Variants in IPO9 observed in about 807,000 individuals in gnomAD.
IPO9 encodes importin-9.
IPO9 carries 28 observed loss-of-function variants against 128.6 expected under a neutral mutation model. The observed-to-expected ratio is 0.22, with a 90% CI of 0.16 to 0.30. The LOEUF (loss-of-function observed/expected upper bound fraction) is 0.30. IPO9 is among the 10% of genes least tolerant of loss of function. The probability of loss-of-function intolerance (pLI) is 1.00; values close to 1 mark genes in which losing one functional copy is unlikely to be tolerated. For missense variants in IPO9, 935 were observed against 1,293.9 expected (o/e 0.72, Z 4.26); for synonymous variants, 455 against 475.8 (o/e 0.96, Z 0.57).
In IPO9 at chr1:201,880,930, G is replaced by A. The variant is rs1197481564; in HGVS notation, c.*4876G>A. 6.6e-6 allele frequency: 1 copy of A among 152,226 alleles called. No individual in the cohort carries two copies. Among genetic ancestry groups the A allele is most frequent in the Non-Finnish European group, 1.5e-5 (1 of 68,042 alleles). 9.4% of individuals were successfully genotyped at this position (152,226 alleles called of 1,614,324 possible). A position where few individuals can be genotyped will look rare whatever the true frequency, so the allele number is the denominator to read the frequency against. On this transcript the variant is annotated 3_prime_UTR_variant, in exon 24 of 24. Transcript: ENST00000361565. ...TGAGTTTGCCCAACTGTAAGCTAAT[G>A]TAAGTGATCTGAGTAGGTTTAAGGT... is the stretch of plus-strand genomic sequence containing the variant.
chr1:201,855,723 C>T (rs1680317435), intron 9 of IPO9, 60 bp from the exon 10 acceptor site: 2 of 1,427,738 alleles, frequency 1.4e-6, no homozygotes, highest in Non-Finnish European at 1.9e-6. Flanking sequence ...TCATTTTCTG[C>T]ATATATGCTT....
rs961246279 is a variant in IPO9, at chr1:201,879,852, A to C, written c.*3798A>C. ...TCAGGAGTTCGAGACCAGCCTGGCC[A>C]ATGTGGTGAAACCCCGCCTCTACTA... On this transcript the variant is annotated 3_prime_UTR_variant, in exon 24 of 24. Coordinates refer to ENST00000361565, the MANE Select transcript of IPO9 (RefSeq NM_018085.5). The C allele has an allele frequency of 2.0e-5, 3 of 152,262 alleles. No homozygotes were observed. Among genetic ancestry groups the C allele is most frequent in the African/African-American group, 7.2e-5 (3 of 41,542 alleles). 9.4% of individuals were successfully genotyped at this position (152,262 alleles called of 1,614,324 possible).
Position 201,876,495 on chromosome 1 carries a change from T to TGA in IPO9, c.*446_*447dup, listed in dbSNP as rs2102892865. On this transcript the variant is annotated 3_prime_UTR_variant, in exon 24 of 24. Transcript: ENST00000361565. ...TGATGTGTTCAGATAGGAATCCTCA[T>TGA]GAGAGATCATTATGCTTTGTGCCCT... 3 of 297,010 alleles carry TGA rather than the reference T, an allele frequency of 1.0e-5. No homozygotes were observed. The highest frequency in any genetic ancestry group is 6.5e-5 in the African/African-American group (3 of 46,076). The allele number at this position is 297,010 out of a possible 1,614,324, so 18.4% of individuals were successfully genotyped here. A position where few individuals can be genotyped will look rare whatever the true frequency, so the allele number is the denominator to read the frequency against.
intron 11 of IPO9, among the ~76,000 whole-genome samples, chr1:201,857,727 G>A (rs531549756): frequency 6.6e-6 from 1 of 151,786 alleles, no homozygotes; most frequent in Non-Finnish European, 1.5e-5. Context: ...CCCGGGAGGC[G>A]GAGGTTGTGG....
In IPO9 at chr1:201,870,644, A is replaced by G. The variant is rs1005627494; in HGVS notation, c.2195A>G (p.His732Arg). The change falls in exon 18 of 24, where the codon CAT becomes CGT. Residue 732 changes from histidine (H) to arginine (R), a missense_variant. His to Arg is a conservative substitution (Grantham distance 29, BLOSUM62 0). Coordinates refer to ENST00000361565, the MANE Select transcript of IPO9 (RefSeq NM_018085.5). The surrounding 1 kb of genome is among the most constrained non-coding windows in gnomAD (Gnocchi z 4.9). The stretch of plus-strand genomic sequence containing the variant: ...ACCCTGGAACAAGTAGCCCAGTGGC[A>G]TGATGAGCAGGGCCACAATGGACTG... ...SVTLEQVAQWHDEQGHNGLWY... is the reference protein window; with the variant it reads ...SVTLEQVAQWRDEQGHNGLWY... 2 of 1,614,228 alleles carry G rather than the reference A, an allele frequency of 1.2e-6. No homozygotes were observed.
rs1439230162 is a variant in IPO9, at chr1:201,875,795, A to G, written c.3016-149A>G. 2.8e-5 allele frequency: 19 copies of G among 677,646 alleles called. No individual in the cohort carries two copies. The East Asian group carries it at 4.7e-4, about 17-fold the overall frequency. The allele number at this position is 677,646 out of a possible 1,614,324, so 42.0% of individuals were successfully genotyped here. On this transcript the variant is annotated intron_variant, in intron 23 of 23. Transcript: ENST00000361565. The stretch of plus-strand genomic sequence containing the variant: ...TGTTTCCCTGTGGATTACCTAAACT[A>G]GATCCAAGAACATGAAAGACCATCC...
At chr1:201,845,163 T>A (rs2102872996) in intron 1 of IPO9, among the ~76,000 whole-genome samples, 1 of 152,214 alleles carries the variant, frequency 6.6e-6, no homozygotes, top group African/African-American at 2.4e-5. Context: ...ATTACAGGCA[T>A]GTGCCACCAT....
At chr1:201,854,997 T>G (rs1320113470) in intron 8 of IPO9, 74 bp downstream of exon 8, 11 of 1,381,508 alleles carry the variant, frequency 8.0e-6, no homozygotes, top group Non-Finnish European at 1.1e-5. Flanking sequence ...TTCACATTCA[T>G]ATGGTTCCAC....
intron 14 of IPO9, among the ~76,000 whole-genome samples, 158 bp from the exon 15 acceptor site, chr1:201,866,575 G>A (rs979265122): frequency 1.3e-5 from 2 of 152,010 alleles, no homozygotes; most frequent in Non-Finnish European, 2.9e-5. Context: ...TGGTGTTGAT[G>A]TTTATATAAT....
chr1:201,850,664 T>C (rs575624480), intron 4 of IPO9: 13 of 152,326 alleles, frequency 8.5e-5, no homozygotes, highest in African/African-American at 3.1e-4. Context: ...ATACCAGGGA[T>C]GAGTATAGGA....
chr1:201,876,184 A>C lies in IPO9; in HGVS notation c.*130A>C, dbSNP rs575388259. The stretch of plus-strand genomic sequence containing the variant: ...TTGACCCTTGGCCCTTGGCCTCGGC[A>C]GTGACACTGATGACAATTCAGACCA... On this transcript the variant is annotated 3_prime_UTR_variant, in exon 24 of 24. Transcript: ENST00000361565. The C allele has an allele frequency of 1.7e-5, 13 of 768,750 alleles. No homozygotes were observed. The highest frequency in any genetic ancestry group is 1.1e-4 in the South Asian group (8 of 72,476). The allele number at this position is 768,750 out of a possible 1,614,324, so 47.6% of individuals were successfully genotyped here.
chr1:201,861,821 A>G lies in IPO9; in HGVS notation c.1469-1627A>G, dbSNP rs936810743. ...TAGTGGCTAGACTATCAAACGAAAT[A>G]TATAACATGTAAGAACACTAAAGAC... On this transcript the variant is annotated intron_variant, in intron 13 of 23. Coordinates refer to ENST00000361565, the MANE Select transcript of IPO9 (RefSeq NM_018085.5). 3.3e-5 allele frequency among the ~76,000 whole-genome samples: 5 copies of G among 152,238 alleles called. No homozygotes were observed. The East Asian group carries it at 7.7e-4, about 23-fold the overall frequency.
In IPO9 at chr1:201,870,969, G is replaced by A; in HGVS notation, c.2409+111G>A. The A allele has an allele frequency of 5.1e-6, 7 of 1,365,914 alleles. No homozygotes were observed. The South Asian group carries it at 9.9e-5, about 19-fold the overall frequency. 84.6% of individuals were successfully genotyped at this position (1,365,914 alleles called of 1,614,324 possible). On this transcript the variant is annotated intron_variant, in intron 18 of 23. Transcript: ENST00000361565. This position sits in a 1 kb window ranked among gnomAD's most constrained non-coding sequence, Gnocchi z 4.9. ...ACCCTCTTACTAGCCTTGTAGGACA[G>A]TTAAGTAAAATGGGACCTGTCTGAT...
At position 201,883,938 on chromosome 1, in the gene IPO9, C is replaced by G. The variant is rs564226960; in HGVS notation, c.*7884C>G. ...TTTTTCCCTTGAACAGGGAGAGAGA[C>G]ACAATGGATCAGAGTGTCTCTGCCA... On this transcript the variant is annotated 3_prime_UTR_variant, in exon 24 of 24. Coordinates refer to ENST00000361565, the MANE Select transcript of IPO9 (RefSeq NM_018085.5). 5 of 152,218 alleles carry G rather than the reference C, an allele frequency of 3.3e-5. No homozygotes were observed. Among genetic ancestry groups the G allele is most frequent in the Admixed American group, 1.3e-4 (2 of 15,286 alleles). 9.4% of individuals were successfully genotyped at this position (152,218 alleles called of 1,614,324 possible).
intron 10 of IPO9, among the ~76,000 whole-genome samples, chr1:201,856,430 C>T (rs1680330714): frequency 2.0e-5 from 3 of 152,048 alleles, no homozygotes; most frequent in South Asian, 2.1e-4. Context: ...GATAACGCCT[C>T]GTTTAAAACA....
intron 19 of IPO9, 62 bp from the exon 20 acceptor site, chr1:201,872,766 T>A (rs1680678467): frequency 6.4e-7 from 1 of 1,551,370 alleles, no homozygotes; most frequent in South Asian, 1.3e-5. Context: ...TAATTGCTTA[T>A]CTCCTTGGAG....
At position 201,864,774 on chromosome 1, in the gene IPO9, A is replaced by G. The variant is rs1451089092; in HGVS notation, c.1628+1167A>G. Among the ~76,000 whole-genome samples, 3 of 152,336 alleles carry G rather than the reference A, an allele frequency of 2.0e-5. No homozygotes were observed. The East Asian group carries it at 5.8e-4, about 29-fold the overall frequency. On this transcript the variant is annotated intron_variant, in intron 14 of 23. Transcript: ENST00000361565. ...GGAGATTAGAGTACAAAGAACTTTC[A>G]TTCTCTGTTATATATATAAAATATT...
intron 1 of IPO9, among the ~76,000 whole-genome samples, chr1:201,839,840 A>T (rs1680004363): frequency 6.6e-6 from 1 of 152,164 alleles, no homozygotes; most frequent in African/African-American, 2.4e-5. Context: ...TACAATTTAC[A>T]TGGGAAAAAC....
At chr1:201,833,333 G>A (rs1679871180) in intron 1 of IPO9, among the ~76,000 whole-genome samples, 1 of 151,694 alleles carries the variant, frequency 6.6e-6, no homozygotes, top group Non-Finnish European at 1.5e-5. Context: ...CCGCCTCCTA[G>A]ATTCAAGTGA....
Sources: allele counts gnomAD v4.1 joint callset (sites outside exome capture counted in the v4.1 genomes callset), GRCh38; gene constraint gnomAD v4.1.1; non-coding constraint Gnocchi (gnomAD v3.1); transcripts MANE v1.5; gene names NCBI Gene and HGNC (gene_info 2026-07-23, HGNC 2026-07-21).